The following FSHR variants were observed in gnomAD, a reference collection of about 807,000 sequenced individuals.
FSHR encodes the protein follicle-stimulating hormone receptor.
Under a neutral mutation model 52.1 loss-of-function variants are expected in FSHR, and 46 were observed. That is an observed-to-expected ratio of 0.88 (90% CI 0.70 to 1.13). The LOEUF is 1.13. FSHR is among the 50% of genes most tolerant of loss of function. FSHR has a pLI of 0.00. For missense variants in FSHR, 964 were observed against 834.6 expected (o/e 1.16, Z -1.91); for synonymous variants, 399 against 309.6 (o/e 1.29, Z -3.03).
intron 1 of FSHR, among the ~76,000 whole-genome samples, chr2:49,112,886 C>G (rs1671469811): frequency 6.6e-6 from 1 of 152,106 alleles, no homozygotes; most frequent in South Asian, 2.1e-4. Flanking sequence ...CATTAGAGAT[C>G]CAGTCCTGAG....
chr2:49,009,935 A>G (rs1019687840), intron 4 of FSHR, among the ~76,000 whole-genome samples: 25 of 140,204 alleles, frequency 1.8e-4, no homozygotes, highest in Admixed American at 1.4e-3. Context: ...GGCCTGAGAC[A>G]ATGGGGTTTT....
In FSHR at chr2:49,139,636, C is replaced by T. The variant is rs866856649; in HGVS notation, c.152+14630G>A. 8.7e-4 allele frequency among the ~76,000 whole-genome samples: 128 copies of T among 146,860 alleles called. 2 individuals carry two copies. Among genetic ancestry groups the T allele is most frequent in the South Asian group, 6.7e-3 (31 of 4,642 alleles). ...TTTTTGAGATGGAGTCTCACTCTGT[C>T]GCCCAGGCTGGAGTGCAGTGGCATG... On this transcript the variant is annotated intron_variant, in intron 1 of 9. Transcript: ENST00000406846.
At chr2:49,140,570 C>G (rs894438667) in intron 1 of FSHR, among the ~76,000 whole-genome samples, 2 of 151,892 alleles carry the variant, frequency 1.3e-5, no homozygotes, top group Non-Finnish European at 2.9e-5. Context: ...CATGATGGTG[C>G]GTGCCTGTAA....
intron 2 of FSHR, among the ~76,000 whole-genome samples, chr2:49,059,946 C>T (rs1053542892): frequency 1.6e-4 from 24 of 151,974 alleles, no homozygotes; most frequent in African/African-American, 5.3e-4. Context: ...AATATGTTTG[C>T]CAAGTACTCA....
intron 1 of FSHR, among the ~76,000 whole-genome samples, chr2:49,110,707 G>T (rs1380245890): frequency 1.3e-5 from 2 of 152,082 alleles, no homozygotes; most frequent in Non-Finnish European, 2.9e-5. Context: ...ACTCTTGTCA[G>T]ACTCAGCAAG....
intron 1 of FSHR, among the ~76,000 whole-genome samples, chr2:49,119,552 A>C (rs1671728760): frequency 6.6e-6 from 1 of 152,136 alleles, no homozygotes; most frequent in South Asian, 2.1e-4. Flanking sequence ...GGCGCATTTT[A>C]GATCCTTGGT....
chr2:49,082,843 T>C (rs535504922), intron 1 of FSHR, among the ~76,000 whole-genome samples: 1 of 152,102 alleles, frequency 6.6e-6, no homozygotes, highest in African/African-American at 2.4e-5. Context: ...TATGGGACTA[T>C]GTGAAAACAC....
At chr2:49,097,405 C>T (rs1430976732) in intron 1 of FSHR, among the ~76,000 whole-genome samples, 2 of 152,160 alleles carry the variant, frequency 1.3e-5, no homozygotes, top group African/African-American at 4.8e-5. Flanking sequence ...TAGGGAACTT[C>T]ACAATTTTGG....
intron 2 of FSHR, among the ~76,000 whole-genome samples, chr2:49,038,626 A>AAAAAATAATAAT (rs574192521): frequency 3.1e-4 from 22 of 70,620 alleles, no homozygotes; most frequent in East Asian, 4.7e-4. Context: ...CTCTGTCTCA[A>AAAAAATAATAAT]AATAATAATA....
At chr2:48,994,685 TG>T in intron 4 of FSHR, among the ~76,000 whole-genome samples, 1 of 152,278 alleles carries the variant, frequency 6.6e-6, no homozygotes, top group East Asian at 1.9e-4. Context: ...TCAATGGGTT[TG>T]CTTTTGTCAA....
chr2:48,973,455 A>T (rs1192501919), intron 8 of FSHR, among the ~76,000 whole-genome samples: 1 of 152,232 alleles, frequency 6.6e-6, no homozygotes, highest in African/African-American at 2.4e-5. Context: ...GCAAAATGGA[A>T]TGGTTGTTTT....
chr2:48,996,711 C>A lies in FSHR; in HGVS notation c.375-6074G>T, dbSNP rs1676038815. 2.0e-5 allele frequency among the ~76,000 whole-genome samples: 3 copies of A among 152,200 alleles called. No individual in the cohort carries two copies. The South Asian group carries it at 6.2e-4, about 32-fold the overall frequency. ...GAAACGAGGTGGCAGAATGCAGAGTCATTCAACCTCAGTTGGGAACCCATG... is the reference window on the plus strand; with the variant it reads ...GAAACGAGGTGGCAGAATGCAGAGTAATTCAACCTCAGTTGGGAACCCATG... On this transcript the variant is annotated intron_variant, in intron 4 of 9. Coordinates refer to ENST00000406846, the MANE Select transcript of FSHR (RefSeq NM_000145.4).
chr2:49,015,261 A>G (rs180963140), intron 4 of FSHR, among the ~76,000 whole-genome samples: 4 of 152,252 alleles, frequency 2.6e-5, no homozygotes, highest in African/African-American at 9.6e-5. Flanking sequence ...TTTAAATGCA[A>G]AGGCATGCTC....
At chr2:49,143,518 G>T (rs1558465659) in intron 1 of FSHR, among the ~76,000 whole-genome samples, 1 of 152,082 alleles carries the variant, frequency 6.6e-6, no homozygotes, top group South Asian at 2.1e-4. Context: ...AGATTGAGTG[G>T]GTGAATAATG....
rs1002929021 is a variant in FSHR, at chr2:49,013,213, GC to G, written c.374+4275del. Among the ~76,000 whole-genome samples the G allele has an allele frequency of 9.9e-5, 15 of 151,308 alleles. No homozygotes were observed. The Admixed American group carries it at 9.9e-4, about 10-fold the overall frequency. On this transcript the variant is annotated intron_variant, in intron 4 of 9. Transcript: ENST00000406846. ...TGTCTGCAAGCCAGGAACCAAATTGGCCAGTACCTCTTGGACTTCCCAGCCT... is the reference window on the plus strand; with the variant it reads ...TGTCTGCAAGCCAGGAACCAAATTGGCAGTACCTCTTGGACTTCCCAGCCT...
At chr2:48,971,218 C>T (rs774056068) in intron 8 of FSHR, among the ~76,000 whole-genome samples, 1 of 152,294 alleles carries the variant, frequency 6.6e-6, no homozygotes, top group African/African-American at 2.4e-5. Context: ...AGGATGATCC[C>T]TGCAGTTCCA....
chr2:49,079,056 CTAGT>C (rs1346359594), intron 1 of FSHR, among the ~76,000 whole-genome samples: 1 of 151,976 alleles, frequency 6.6e-6, no homozygotes, highest in Non-Finnish European at 1.5e-5. Flanking sequence ...ATAAGAAAGT[CTAGT>C]TAGATAGCTG....
chr2:49,068,089 G>A (rs575483913), intron 2 of FSHR, 130 bp downstream of exon 2: 1 of 738,406 alleles, frequency 1.4e-6, no homozygotes, highest in East Asian at 2.5e-5. Flanking sequence ...TAAAATGTGA[G>A]GAGATGCAGA....
intron 1 of FSHR, among the ~76,000 whole-genome samples, chr2:49,082,581 G>A (rs1218132966): frequency 6.6e-6 from 1 of 152,058 alleles, no homozygotes. Flanking sequence ...CAAAGGCAAA[G>A]AAGTTGAAAA....
Sources: allele counts gnomAD v4.1 joint callset (sites outside exome capture counted in the v4.1 genomes callset), GRCh38; gene constraint gnomAD v4.1.1; transcripts MANE v1.5; gene names NCBI Gene and HGNC (gene_info 2026-07-23, HGNC 2026-07-21).